SGCD: variants seen among roughly 807,000 people sequenced by gnomAD.
SGCD encodes sarcoglycan delta.
SGCD carries 18 observed loss-of-function variants against 36.6 expected under a neutral mutation model. That is an observed-to-expected ratio of 0.49 (90% confidence interval 0.34 to 0.73). SGCD has a LOEUF of 0.73. Ranked by LOEUF, SGCD falls within the 30% of genes least tolerant of loss-of-function variation. The probability of loss-of-function intolerance (pLI) is 0.01; values close to 1 mark genes in which losing one functional copy is unlikely to be tolerated. For synonymous variants in SGCD, 133 were observed against 130.6 expected, an observed-to-expected ratio of 1.02 and a Z score of -0.12; for missense variants, 387 against 346.7, an observed-to-expected ratio of 1.12 and a Z score of -0.92.
At chr5:156,484,708 C>T (rs1317530156) in intron 3 of SGCD, among the ~76,000 whole-genome samples, 2 of 152,048 alleles carry the variant, frequency 1.3e-5, no homozygotes, top group Admixed American at 6.5e-5. Context: ...GTTTTTAAGA[C>T]TTTCTCATTA....
At chr5:156,393,123 G>A (rs576071574) in intron 3 of SGCD, among the ~76,000 whole-genome samples, 10 of 152,260 alleles carry the variant, frequency 6.6e-5, no homozygotes, top group South Asian at 2.1e-4. Context: ...AAGGGACCAC[G>A]CCCTTCTCTT....
chr5:156,644,578 G>A (rs140233159), intron 6 of SGCD, among the ~76,000 whole-genome samples: 5 of 150,276 alleles, frequency 3.3e-5, no homozygotes, highest in African/African-American at 7.4e-5. Context: ...AAAATGTTTC[G>A]CAATTTCCTT....
upstream of SGCD, among the ~76,000 whole-genome samples, chr5:155,865,438 T>A (rs557744744): frequency 3.3e-5 from 5 of 152,260 alleles, no homozygotes; most frequent in Admixed American, 2.0e-4. Context: ...TATAGGTATG[T>A]AGTGGAAAGG....
intron 7 of SGCD, among the ~76,000 whole-genome samples, chr5:156,692,539 A>G (rs1456605605): frequency 1.3e-5 from 2 of 152,178 alleles, no homozygotes; most frequent in African/African-American, 4.8e-5. Context: ...ATGAACCTCT[A>G]TGTACCTATC....
chr5:156,307,424 T>C (rs1767247082), intron 3 of SGCD, among the ~76,000 whole-genome samples: 1 of 152,234 alleles, frequency 6.6e-6, no homozygotes, highest in Admixed American at 6.5e-5. Context: ...TTAGATCACA[T>C]ATTTAAATCC....
chr5:156,267,627 G>A (rs1766035640), intron 3 of SGCD, among the ~76,000 whole-genome samples: 1 of 152,058 alleles, frequency 6.6e-6, no homozygotes, highest in African/African-American at 2.4e-5. Context: ...TCCTTTTCCA[G>A]TCCCATCAAG....
chr5:156,238,453 G>T (rs1765222812), intron 3 of SGCD, among the ~76,000 whole-genome samples: 1 of 152,230 alleles, frequency 6.6e-6, no homozygotes, highest in East Asian at 1.9e-4. Context: ...TTGCCTCATG[G>T]AATTACCTTT....
At position 156,754,592 on chromosome 5, in the gene SGCD, C is replaced by T. The variant is rs374155947; in HGVS notation, c.576-2989C>T. Among the ~76,000 whole-genome samples the T allele has an allele frequency of 2.4e-4, 37 of 152,278 alleles. 1 individual carries two copies. The highest frequency in any genetic ancestry group is 8.2e-4 in the African/African-American group (34 of 41,558). ...GGAAAGAAATACAGTTATTCTGGAA[C>T]TAATATGGTATAAACAAATATTAGC... On this transcript the variant is annotated intron_variant, in intron 7 of 8. Transcript: ENST00000337851.
chr5:156,201,531 G>C (rs568078631), intron 3 of SGCD, among the ~76,000 whole-genome samples: 1 of 152,068 alleles, frequency 6.6e-6, no homozygotes, highest in Non-Finnish European at 1.5e-5. Context: ...GGAGGCCCAC[G>C]GTTTAACAGA....
rs1761812330 is a variant in SGCD at position 156,112,568 on chromosome 5, T to C, written c.-281-5310T>C. 3.3e-5 allele frequency among the ~76,000 whole-genome samples: 5 copies of C among 152,332 alleles called. No individual in the cohort carries two copies. In the South Asian group the frequency reaches 1.0e-3, roughly 32 times the overall value. On this transcript the variant is annotated intron_variant, in intron 1 of 9. Coordinates refer to the SGCD transcript ENST00000517913. ...ACACCTAGGTTTTAAGGGATTGTTA[T>C]GGTTTGGTTTTTTTTGAGAATTGAG...
intron 1 of SGCD, among the ~76,000 whole-genome samples, chr5:156,100,596 C>T (rs1342931225): frequency 6.6e-6 from 1 of 152,170 alleles, no homozygotes; most frequent in East Asian, 1.9e-4. Context: ...CATCACTTTT[C>T]CCTATTGCAG....
chr5:156,278,854 A>T (rs1275529415), intron 3 of SGCD, among the ~76,000 whole-genome samples: 2 of 152,138 alleles, frequency 1.3e-5, no homozygotes, highest in Non-Finnish European at 2.9e-5. Flanking sequence ...ATGGCTTGCC[A>T]TAGGAGGGAC....
chr5:156,650,160 C>T (rs776725149), intron 7 of SGCD, among the ~76,000 whole-genome samples: 5 of 152,114 alleles, frequency 3.3e-5, no homozygotes, highest in Non-Finnish European at 7.4e-5. Context: ...TGTTACACAA[C>T]TTATAAACAA....
At chr5:156,597,901 T>C (rs1212348998) in intron 6 of SGCD, among the ~76,000 whole-genome samples, 2 of 152,112 alleles carry the variant, frequency 1.3e-5, no homozygotes, top group African/African-American at 2.4e-5. Context: ...AGCTGAGCCA[T>C]AGGGAAAGGT....
At chr5:156,421,925 T>G (rs932777215) in intron 3 of SGCD, among the ~76,000 whole-genome samples, 14 of 152,064 alleles carry the variant, frequency 9.2e-5, no homozygotes, top group African/African-American at 3.4e-4. Context: ...ATTACAGAGA[T>G]AAATACAGCC....
At chr5:156,103,048 T>A (rs563547798) in intron 1 of SGCD, among the ~76,000 whole-genome samples, 1 of 152,306 alleles carries the variant, frequency 6.6e-6, no homozygotes, top group Admixed American at 6.5e-5. Flanking sequence ...TTATTATAAT[T>A]TGCTATAAGG....
chr5:156,765,641 A>G lies in SGCD; in HGVS notation c.*6251A>G, dbSNP rs1757574033. ...ATTCTCCTATTTCATCCTCAAAACA[A>G]TCCTTTGAGTTGGGTTTTAATATAG... is the stretch of plus-strand genomic sequence containing the variant. On this transcript the variant is annotated 3_prime_UTR_variant, in exon 9 of 9. Coordinates refer to ENST00000337851, the MANE Select transcript of SGCD (RefSeq NM_000337.6). 6.6e-6 allele frequency: 1 copy of G among 152,120 alleles called. No individual in the cohort carries two copies. The highest frequency in any genetic ancestry group is 6.5e-5 in the Admixed American group (1 of 15,268). 9.4% of individuals were successfully genotyped at this position (152,120 alleles called of 1,614,324 possible).
intron 2 of SGCD, among the ~76,000 whole-genome samples, chr5:156,341,176 C>T (rs1483398480): frequency 6.6e-5 from 10 of 152,150 alleles, no homozygotes; most frequent in Admixed American, 6.5e-4. Flanking sequence ...TGAAAAGGAG[C>T]TGCTTCCTCC....
At chr5:156,360,535 G>GT (rs949351654) in intron 3 of SGCD, among the ~76,000 whole-genome samples, 2 of 151,862 alleles carry the variant, frequency 1.3e-5, no homozygotes, top group Non-Finnish European at 2.9e-5. Context: ...GGCCTAATTG[G>GT]TTTTTTTACA....
Sources: gnomAD v4.1 joint callset for allele counts (sites outside exome capture counted in the v4.1 genomes callset) on GRCh38, gnomAD v4.1.1 for gene constraint, MANE v1.5 for transcripts, NCBI Gene and HGNC (gene_info 2026-07-23, HGNC 2026-07-21) for gene names.